The following CAST variants were observed in gnomAD, a reference collection of about 807,000 sequenced individuals.
CAST encodes the protein MIR583 host.
A neutral mutation model predicts 119.6 loss-of-function variants in CAST; 76 were observed. The ratio of observed to expected loss-of-function variants is 0.64; its 90% confidence interval spans 0.53 to 0.77. The LOEUF (loss-of-function observed/expected upper bound fraction) is 0.77, where lower values mean the gene tolerates loss of function less well. CAST is among the 30% of genes least tolerant of loss of function. The probability of loss-of-function intolerance (pLI) is 0.00; values close to 1 mark genes in which losing one functional copy is unlikely to be tolerated. For missense variants in CAST, 953 were observed against 946.5 expected, an observed-to-expected ratio of 1.01 and a Z score of -0.09; for synonymous variants, 319 against 331.6, an observed-to-expected ratio of 0.96 and a Z score of 0.41.
the CAST span, among the ~76,000 whole-genome samples, chr5:96,212,731 C>A: frequency 6.6e-6 from 1 of 152,134 alleles, no homozygotes; most frequent in Non-Finnish European, 1.5e-5. Context: ...TTCAGTTTCA[C>A]CAGTTTTTGT....
chr5:96,262,688 C>T, the CAST span, among the ~76,000 whole-genome samples: 1 of 152,058 alleles, frequency 6.6e-6, no homozygotes, highest in Non-Finnish European at 1.5e-5. Context: ...TGCCACCACG[C>T]CCGGCTAATT....
the CAST span, among the ~76,000 whole-genome samples, chr5:96,044,752 T>C: frequency 6.6e-6 from 1 of 152,198 alleles, no homozygotes; most frequent in Non-Finnish European, 1.5e-5. Flanking sequence ...AATGGTGACA[T>C]AGTCACACAC....
At chr5:96,306,381 T>A in the CAST span, among the ~76,000 whole-genome samples, 1 of 152,098 alleles carries the variant, frequency 6.6e-6, no homozygotes, top group Non-Finnish European at 1.5e-5. Context: ...ATTTTGTTAA[T>A]CTTTTCAAAA....
intron 1 of CAST, chr5:96,546,475 C>T (rs549541131): frequency 1.3e-5 from 2 of 152,238 alleles, no homozygotes; most frequent in South Asian, 4.1e-4. Context: ...TACCTGACGT[C>T]CCATGGTAGA....
At chr5:96,324,516 C>A in the CAST span, among the ~76,000 whole-genome samples, 1 of 152,192 alleles carries the variant, frequency 6.6e-6, no homozygotes, top group African/African-American at 2.4e-5. Flanking sequence ...TTCCTCCCTA[C>A]CTTCACTCTT....
chr5:96,241,323 T>C, the CAST span, among the ~76,000 whole-genome samples: 2 of 151,606 alleles, frequency 1.3e-5, no homozygotes, highest in East Asian at 1.9e-4. Context: ...TTTGGTTTTT[T>C]GTTCTTGTGA....
intron 20 of CAST, among the ~76,000 whole-genome samples, chr5:96,752,764 T>C (rs1765396771): frequency 6.6e-6 from 1 of 151,968 alleles, no homozygotes; most frequent in Admixed American, 6.6e-5. Context: ...TCTAAAATTT[T>C]AATAGGTGCT....
chr5:96,707,896 C>G (rs971048847), intron 3 of CAST, among the ~76,000 whole-genome samples: 1 of 152,080 alleles, frequency 6.6e-6, no homozygotes, highest in Non-Finnish European at 1.5e-5. Context: ...CTGTTCCCAC[C>G]AAGAAATCAG....
At chr5:96,195,170 T>C in the CAST span, among the ~76,000 whole-genome samples, 1 of 152,224 alleles carries the variant, frequency 6.6e-6, no homozygotes, top group Non-Finnish European at 1.5e-5. Flanking sequence ...AATCAGACTT[T>C]TCCAATAAAG....
chr5:96,519,415 C>G, the CAST span, among the ~76,000 whole-genome samples: 1 of 152,188 alleles, frequency 6.6e-6, no homozygotes, highest in African/African-American at 2.4e-5. Context: ...GAATTCCAGA[C>G]TCGGCTTGTG....
At chr5:96,064,663 T>G in the CAST span, among the ~76,000 whole-genome samples, 1 of 151,552 alleles carries the variant, frequency 6.6e-6, no homozygotes, top group Non-Finnish European at 1.5e-5. Context: ...GTGCCTGATT[T>G]TCACAAGTGA....
chr5:96,755,737 T>C (rs999160714), intron 22 of CAST, among the ~76,000 whole-genome samples: 2 of 152,234 alleles, frequency 1.3e-5, no homozygotes, highest in Non-Finnish European at 2.9e-5. Flanking sequence ...GAACTATCCG[T>C]GATTGAAAGT....
the CAST span, among the ~76,000 whole-genome samples, chr5:96,328,806 C>T: frequency 5.9e-5 from 9 of 152,220 alleles, no homozygotes; most frequent in Middle Eastern, 6.8e-3. Flanking sequence ...TGTGGAAAAG[C>T]GAAGCAAAAC....
chr5:96,102,198 A>G, the CAST span, among the ~76,000 whole-genome samples: 5 of 152,118 alleles, frequency 3.3e-5, no homozygotes, highest in Non-Finnish European at 7.4e-5. Flanking sequence ...GGCATCCAAG[A>G]AGAATGAAGT....
At chr5:96,524,899 G>A (rs1745574647), upstream of CAST, among the ~76,000 whole-genome samples, 1 of 152,190 alleles carries the variant, frequency 6.6e-6, no homozygotes, top group African/African-American at 2.4e-5. Flanking sequence ...CAGGCCTCCT[G>A]GGTATTAACC....
At chr5:96,215,320 A>T in the CAST span, 1 of 152,172 alleles carries the variant, frequency 6.6e-6, no homozygotes, top group African/African-American at 2.4e-5. Flanking sequence ...AAAAATTTTT[A>T]AATATTTATA....
chr5:96,331,920 T>G, the CAST span, among the ~76,000 whole-genome samples: 1 of 152,236 alleles, frequency 6.6e-6, no homozygotes, highest in African/African-American at 2.4e-5. Flanking sequence ...GGCCAAAGTT[T>G]GTTTCTTATC....
Position 96,675,555 on chromosome 5 carries a change from C to G in CAST, c.92C>G (p.Thr31Ser), listed in dbSNP as rs778505100. 1 of 1,612,752 alleles carries G rather than the reference C, an allele frequency of 6.2e-7. No homozygotes were observed. Among genetic ancestry groups the G allele is most frequent in the South Asian group, 1.1e-5 (1 of 91,056 alleles). ...RRTHEHVSEK[T>S]SESPSKPGEK... ...TTTTTATAGCATGTCAGTGAAAAAA[C>G]CAGTGAATCGCCTTCCAAACCAGGA... Residue 31 changes from threonine to serine, a missense_variant, in exon 2 of 32, where the codon ACC becomes AGC. Thr to Ser is a moderately conservative substitution (Grantham distance 58). Coordinates refer to ENST00000675179, the MANE Select transcript of CAST (RefSeq NM_001750.7).
chr5:96,134,167 G>A, the CAST span, among the ~76,000 whole-genome samples: 9 of 152,272 alleles, frequency 5.9e-5, no homozygotes, highest in African/African-American at 2.2e-4. Flanking sequence ...AGTTTTCCAG[G>A]TTACCCCAAA....
Sources: gnomAD v4.1 joint callset for allele counts (sites outside exome capture counted in the v4.1 genomes callset) on GRCh38, gnomAD v4.1.1 for gene constraint, MANE v1.5 for transcripts, NCBI Gene and HGNC (gene_info 2026-07-23, HGNC 2026-07-21) for gene names.